Variants in PTCHD1 observed in about 807,000 individuals in gnomAD.
PTCHD1 encodes patched domain-containing protein 1.
A neutral mutation model predicts 34.6 loss-of-function variants in PTCHD1; 3 were observed. The ratio of observed to expected loss-of-function variants is 0.09; its 90% confidence interval spans 0.04 to 0.22. The LOEUF (loss-of-function observed/expected upper bound fraction) is 0.22, where lower values mean the gene tolerates loss of function less well. Among genes scored for constraint, PTCHD1 ranks in the 10% least tolerant of loss-of-function variants. The pLI is 1.00. For missense variants in PTCHD1, 504 were observed against 685.5 expected, an observed-to-expected ratio of 0.74 and a Z score of 2.96; for synonymous variants, 305 against 283.1, an observed-to-expected ratio of 1.08 and a Z score of -0.77.
chrX:23,382,177 T>G (rs966095188), intron 2 of PTCHD1, among the ~76,000 whole-genome samples: 1 of 111,716 alleles, frequency 9.0e-6, no homozygotes, highest in Non-Finnish European at 1.9e-5. Context: ...CATTCCAGGT[T>G]GTTACCAGTG....
chrX:23,361,482 T>A, intron 1 of PTCHD1, among the ~76,000 whole-genome samples: 1 of 111,717 alleles, frequency 9.0e-6, no homozygotes, highest in Non-Finnish European at 1.9e-5. Flanking sequence ...CCCTGCCTTT[T>A]TTTGTTTTCC....
chrX:23,348,442 A>T (rs1013701585), intron 1 of PTCHD1, among the ~76,000 whole-genome samples: 2 of 111,580 alleles, frequency 1.8e-5, no homozygotes, highest in South Asian at 7.6e-4. Context: ...AGATCCAGGT[A>T]GCTCAAAGAA....
rs1184246297 is a variant in PTCHD1 at position 23,398,343 on chromosome X, T to G, written c.*4158T>G. ...GCCACAGAAGGTAGTTAATTACCAG[T>G]CATTTTAGGACATCAAAATGAAGCT... On this transcript the variant is annotated 3_prime_UTR_variant, in exon 3 of 3. Coordinates refer to ENST00000379361, the MANE Select transcript of PTCHD1 (RefSeq NM_173495.3). 3 of 111,709 alleles carry G rather than the reference T, an allele frequency of 2.7e-5. No individual in the cohort carries two copies. The highest frequency in any genetic ancestry group is 5.6e-4 in the East Asian group (2 of 3,553). 9.2% of individuals were successfully genotyped at this position (111,709 alleles called of 1,213,427 possible).
intron 2 of PTCHD1, among the ~76,000 whole-genome samples, chrX:23,381,285 C>T (rs762625008): frequency 6.6e-4 from 74 of 112,389 alleles, no homozygotes; most frequent in Middle Eastern, 4.6e-3. Context: ...ATCGGTTGCC[C>T]TGTCCATCTG....
chrX:23,367,458 GCTGGGCATATCA>G (rs1003816972), intron 1 of PTCHD1, among the ~76,000 whole-genome samples: 1 of 111,768 alleles, frequency 8.9e-6, no homozygotes, highest in African/African-American at 3.3e-5. Context: ...TTTGCTCCGG[GCTGGGCATATCA>G]CTTCCAAAAG....
At chrX:23,362,417 C>A (rs1344592575) in intron 1 of PTCHD1, among the ~76,000 whole-genome samples, 1 of 112,108 alleles carries the variant, frequency 8.9e-6, no homozygotes. Context: ...ATCACTGATA[C>A]CCTTTCTTCC....
chrX:23,385,538 C>A (rs1922666599), intron 2 of PTCHD1, among the ~76,000 whole-genome samples: 1 of 111,268 alleles, frequency 9.0e-6, no homozygotes, highest in Non-Finnish European at 1.9e-5. Flanking sequence ...AAACATAGAC[C>A]CTGGGGAGAA....
chrX:23,346,284 G>A (rs904603427), intron 1 of PTCHD1, among the ~76,000 whole-genome samples: 2 of 111,859 alleles, frequency 1.8e-5, no homozygotes, highest in Non-Finnish European at 3.8e-5. Flanking sequence ...AGTTTATTCA[G>A]CAGGAGCCAC....
chrX:23,368,178 A>C (rs1369642274), intron 1 of PTCHD1, among the ~76,000 whole-genome samples: 1 of 111,485 alleles, frequency 9.0e-6, no homozygotes, highest in African/African-American at 3.3e-5. Flanking sequence ...AAACAAATAC[A>C]CTTGAAAAAT....
Position 23,394,588 on chromosome X carries a change from G to A in PTCHD1, c.*403G>A, listed in dbSNP as rs1020013216. Reference sequence around the variant, plus strand: ...ACTGATTGAAAGGTCAACTGCCAAGGCAGAAACACCTTTAAGCATTGTTCA... The same window carrying A: ...ACTGATTGAAAGGTCAACTGCCAAGACAGAAACACCTTTAAGCATTGTTCA... On this transcript the variant is annotated 3_prime_UTR_variant, in exon 3 of 3. Transcript: ENST00000379361. The A allele has an allele frequency of 1.5e-4, 21 of 143,820 alleles. No individual in the cohort carries two copies. The highest frequency in any genetic ancestry group is 1.4e-5 in the Non-Finnish European group (1 of 73,086). 11.9% of individuals were successfully genotyped at this position (143,820 alleles called of 1,213,427 possible). A position where few individuals can be genotyped will look rare whatever the true frequency, so the allele number is the denominator to read the frequency against.
At position 23,397,148 on chromosome X, in the gene PTCHD1, T is replaced by C. The variant is rs1318921277; in HGVS notation, c.*2963T>C. The C allele has an allele frequency of 8.9e-6, 1 of 111,940 alleles. No homozygotes were observed. Among genetic ancestry groups the C allele is most frequent in the African/African-American group, 3.2e-5 (1 of 30,815 alleles). 9.2% of individuals were successfully genotyped at this position (111,940 alleles called of 1,213,427 possible). A position where few individuals can be genotyped will look rare whatever the true frequency, so the allele number is the denominator to read the frequency against. ...TGTTGTTTGTTTACCAAAGAAAATA[T>C]TCGATTCATCAAAAATATTGCTCCT... On this transcript the variant is annotated 3_prime_UTR_variant, in exon 3 of 3. Transcript: ENST00000379361.
chrX:23,342,272 A>G (rs1400060931), intron 1 of PTCHD1, among the ~76,000 whole-genome samples: 1 of 6,551 alleles, frequency 1.5e-4, no homozygotes, highest in Non-Finnish European at 2.3e-4. Flanking sequence ...CTCCCTATAT[A>G]TATATATATA....
chrX:23,358,806 A>G (rs1011780480), intron 1 of PTCHD1, among the ~76,000 whole-genome samples: 2 of 104,685 alleles, frequency 1.9e-5, no homozygotes, highest in African/African-American at 7.1e-5. Context: ...CTTTAATCCA[A>G]CTTGAATTAA....
chrX:23,387,955 G>T (rs1922726279), intron 2 of PTCHD1, among the ~76,000 whole-genome samples: 1 of 111,783 alleles, frequency 8.9e-6, no homozygotes, highest in Non-Finnish European at 1.9e-5. Context: ...CCTCAGTCCT[G>T]CACTGTGACT....
chrX:23,370,610 C>T (rs1426827753), intron 1 of PTCHD1, among the ~76,000 whole-genome samples: 1 of 111,750 alleles, frequency 8.9e-6, no homozygotes, highest in Non-Finnish European at 1.9e-5. Context: ...GTTACCATAT[C>T]ATTAGGTGGA....
At chrX:23,375,904 G>A (rs934859958) in intron 1 of PTCHD1, among the ~76,000 whole-genome samples, 2 of 111,886 alleles carry the variant, frequency 1.8e-5, no homozygotes, top group Non-Finnish European at 3.8e-5. Context: ...AATAATTTAC[G>A]TGATGTGTTC....
At chrX:23,354,736 C>G (rs1221255171) in intron 1 of PTCHD1, among the ~76,000 whole-genome samples, 1 of 108,499 alleles carries the variant, frequency 9.2e-6, no homozygotes, top group African/African-American at 3.3e-5. Context: ...CCACGCCCAG[C>G]TGATTTTTGT....
chrX:23,337,593 C>A (rs1483840983), intron 1 of PTCHD1, among the ~76,000 whole-genome samples: 1 of 109,256 alleles, frequency 9.2e-6, no homozygotes, highest in Non-Finnish European at 1.9e-5. Context: ...GTGAAAGAAT[C>A]ACTGTTATTG....
chrX:23,340,444 G>A (rs1231835636), intron 1 of PTCHD1, among the ~76,000 whole-genome samples: 1 of 111,916 alleles, frequency 8.9e-6, no homozygotes, highest in Non-Finnish European at 1.9e-5. Context: ...AGTTGACACT[G>A]GCCTTTGAGA....
Sources: gnomAD v4.1 joint callset for allele counts (sites outside exome capture counted in the v4.1 genomes callset) on GRCh38, gnomAD v4.1.1 for gene constraint, MANE v1.5 for transcripts, NCBI Gene and HGNC (gene_info 2026-07-23, HGNC 2026-07-21) for gene names.